MTUS1: variants seen among roughly 807,000 people sequenced by gnomAD.
MTUS1 encodes the protein microtubule-associated tumor suppressor 1.
Under a neutral mutation model 120.8 loss-of-function variants are expected in MTUS1, and 109 were observed. The observed-to-expected ratio is 0.90, with a 90% CI of 0.77 to 1.06. MTUS1 has a LOEUF of 1.06. MTUS1 is among the 50% of genes least tolerant of loss of function. The pLI is 0.00. For synonymous variants in MTUS1, 737 were observed against 550.5 expected, an observed-to-expected ratio of 1.34 and a Z score of -4.74; for missense variants, 2,210 against 1,486.3, an observed-to-expected ratio of 1.49 and a Z score of -8.01.
Position 17,676,418 on chromosome 8 carries a change from T to C in MTUS1, c.2839-1166A>G, listed in dbSNP as rs915333795. ...GCGCCACCCACCAGTCGGGTCTGTC[T>C]ACATTCAAAGCTCTAGCAGGAGGCG... On this transcript the variant is annotated intron_variant, in intron 7 of 14. Coordinates refer to ENST00000693296, the MANE Select transcript of MTUS1 (RefSeq NM_001363059.2). 5 of 693,644 alleles carry C rather than the reference T, an allele frequency of 7.2e-6. No individual in the cohort carries two copies. In the African/African-American group the frequency reaches 8.8e-5, roughly 12 times the overall value. 43.0% of individuals were successfully genotyped at this position (693,644 alleles called of 1,614,324 possible).
At chr8:17,661,834 C>A (rs1383764177) in intron 8 of MTUS1, among the ~76,000 whole-genome samples, 2 of 152,182 alleles carry the variant, frequency 1.3e-5, no homozygotes, top group Non-Finnish European at 2.9e-5. Flanking sequence ...TGTGCACAGA[C>A]CTTTGCTCTG....
chr8:17,680,747 G>A (rs1814278282), intron 7 of MTUS1, among the ~76,000 whole-genome samples: 1 of 152,020 alleles, frequency 6.6e-6, no homozygotes, highest in Non-Finnish European at 1.5e-5. Context: ...CAGGTTGCAT[G>A]AGGGAAAAGT....
At chr8:17,661,941 A>C (rs191438474) in intron 8 of MTUS1, among the ~76,000 whole-genome samples, 1 of 152,164 alleles carries the variant, frequency 6.6e-6, no homozygotes, top group African/African-American at 2.4e-5. Context: ...GCTGCGAAGG[A>C]AACATTTATT....
At chr8:17,760,202 ACCCTAT>A (rs2048932675) in intron 1 of MTUS1, among the ~76,000 whole-genome samples, 1 of 151,894 alleles carries the variant, frequency 6.6e-6, no homozygotes, top group Non-Finnish European at 1.5e-5. Context: ...GGTGACAGGG[ACCCTAT>A]CACTATTAAA....
In MTUS1 at chr8:17,754,881, C is replaced by A; in HGVS notation, c.927G>T (p.Glu309Asp). ...ATTCATCATGGGATAAACAAAAGAA[C>A]TCTTGTAATGCAGAATCATTGGGGA... Reference protein sequence around the residue: ...MEVPNDSALQEFFCLSHDESN... With the variant: ...MEVPNDSALQDFFCLSHDESN... The change falls in exon 2 of 15, where the codon GAG (glutamate) becomes GAT (aspartate). Residue 309 changes from glutamate (E) to aspartate (D), a missense_variant. Glu to Asp is a conservative substitution (Grantham distance 45). Transcript: ENST00000693296. 6.2e-7 allele frequency: 1 copy of A among 1,614,226 alleles called. No individual in the cohort carries two copies. Among genetic ancestry groups the A allele is most frequent in the Non-Finnish European group, 8.5e-7 (1 of 1,180,038 alleles).
rs145882132 is a variant in MTUS1 at position 17,695,033 on chromosome 8, C to G, written c.2624-10491G>C. 3.3e-3 allele frequency among the ~76,000 whole-genome samples: 510 copies of G among 152,242 alleles called. 3 individuals carry two copies. Among genetic ancestry groups the G allele is most frequent in the South Asian group, 0.011 (51 of 4,818 alleles). On this transcript the variant is annotated intron_variant, in intron 6 of 14. Transcript: ENST00000693296. ...GGTCAACACCACTGCACTGAGGCAA[C>G]CAACACCACTTCCTTCACTAAGGAT...
intron 3 of MTUS1, chr8:17,724,253 G>GA: frequency 3.3e-6 from 1 of 303,380 alleles, no homozygotes; most frequent in Non-Finnish European, 6.4e-6. Context: ...TATCATATAA[G>GA]AAATAAATAA....
chr8:17,765,654 T>C (rs1421675283), intron 1 of MTUS1, among the ~76,000 whole-genome samples: 3 of 132,834 alleles, frequency 2.3e-5, no homozygotes, highest in African/African-American at 5.6e-5. Context: ...TCATCTATAC[T>C]TCACCATCAT....
At chr8:17,785,937 T>A (rs1301381835) in intron 1 of MTUS1, among the ~76,000 whole-genome samples, 2 of 152,066 alleles carry the variant, frequency 1.3e-5, no homozygotes, top group Non-Finnish European at 2.9e-5. Context: ...TTGAACCCAG[T>A]TCAAGACCAG....
Position 17,713,430 on chromosome 8 carries a change from G to A in MTUS1, c.2585-178C>T, listed in dbSNP as rs568720352. 6.6e-5 allele frequency among the ~76,000 whole-genome samples: 10 copies of A among 152,054 alleles called. No individual in the cohort carries two copies. The South Asian group carries it at 2.1e-3, about 32-fold the overall frequency. On this transcript the variant is annotated intron_variant, in intron 5 of 14. Transcript: ENST00000693296. ...GTCAAGTGCATTTTAAATATAAGGT[G>A]ATATTTCACATAACATCAAAATGTT...
chr8:17,798,637 A>AT (rs1470371484), intron 1 of MTUS1, among the ~76,000 whole-genome samples: 1 of 152,030 alleles, frequency 6.6e-6, no homozygotes, highest in Non-Finnish European at 1.5e-5. Context: ...CGGCTGGAAA[A>AT]TTTTTTTTAA....
At chr8:17,680,432 C>G (rs1814139305) in intron 7 of MTUS1, among the ~76,000 whole-genome samples, 1 of 136,936 alleles carries the variant, frequency 7.3e-6, no homozygotes. Context: ...CCACTGCACT[C>G]CAGACTGGGT....
intron 1 of MTUS1, among the ~76,000 whole-genome samples, chr8:17,764,841 G>A (rs991595441): frequency 6.6e-6 from 1 of 152,182 alleles, no homozygotes; most frequent in Non-Finnish European, 1.5e-5. Flanking sequence ...AACCTTTTTG[G>A]CACCAGGGAC....
At position 17,739,144 on chromosome 8, in the gene MTUS1, AAAAC is replaced by A. The variant is rs576996711; in HGVS notation, c.2287+4456_2287+4459del. Among the ~76,000 whole-genome samples the A allele has an allele frequency of 1.4e-4, 21 of 152,228 alleles. No homozygotes were observed. In the South Asian group the frequency reaches 2.1e-3, roughly 15 times the overall value. ...GACGACAGAGTGAAAATGTCTCAAA[AAAAC>A]AAACAAACAGAAAACAAACAAACAA... On this transcript the variant is annotated intron_variant, in intron 3 of 14. Transcript: ENST00000693296.
At chr8:17,722,658 A>G in intron 4 of MTUS1, 1 of 707,432 alleles carries the variant, frequency 1.4e-6, no homozygotes, top group Non-Finnish European at 1.7e-6. Flanking sequence ...CTCTACAAAA[A>G]ATGCATTCTC....
Position 17,656,003 on chromosome 8 carries a change from C to T in MTUS1, c.2968G>A (p.Glu990Lys). The change falls in exon 9 of 15, where the codon GAA becomes AAA. Residue 990 changes from glutamate to lysine, a missense_variant. Physicochemically the swap from Glu to Lys is moderately conservative, Grantham distance 56. Transcript: ENST00000693296. Reference protein sequence around the residue: ...KARNELQTVYEAFVQQHQAEK... With the variant: ...KARNELQTVYKAFVQQHQAEK... ...GCCTGGTGCTGCTGGACGAATGCTT[C>T]ATACACTGTTTGTAACTCATTCCTG... The T allele has an allele frequency of 6.2e-7, 1 of 1,614,240 alleles. No individual in the cohort carries two copies.
At chr8:17,711,266 A>G (rs773913852) in intron 6 of MTUS1, among the ~76,000 whole-genome samples, 2 of 152,188 alleles carry the variant, frequency 1.3e-5, no homozygotes, top group Non-Finnish European at 2.9e-5. Flanking sequence ...TCTTCTTTCA[A>G]TATGAGGCTG....
chr8:17,719,549 G>A (rs901019090), intron 4 of MTUS1, among the ~76,000 whole-genome samples: 7 of 152,178 alleles, frequency 4.6e-5, no homozygotes, highest in Non-Finnish European at 7.3e-5. Flanking sequence ...TCAGAAGTGC[G>A]TAAGTACTAA....
intron 3 of MTUS1, among the ~76,000 whole-genome samples, chr8:17,737,999 C>G (rs931143134): frequency 2.0e-5 from 3 of 152,032 alleles, no homozygotes; most frequent in Non-Finnish European, 4.4e-5. Context: ...TTACATAAAC[C>G]ACGAAGGAAA....
Sources: allele counts gnomAD v4.1 joint callset (sites outside exome capture counted in the v4.1 genomes callset), GRCh38; gene constraint gnomAD v4.1.1; transcripts MANE v1.5; gene names NCBI Gene and HGNC (gene_info 2026-07-23, HGNC 2026-07-21).